The following SEPTIN11 variants were observed in gnomAD, a reference collection of about 807,000 sequenced individuals.
SEPTIN11 encodes the protein septin 11.
A neutral mutation model predicts 51.4 loss-of-function variants in SEPTIN11; 25 were observed. That is an observed-to-expected ratio of 0.49 (90% CI 0.35 to 0.68). The LOEUF (loss-of-function observed/expected upper bound fraction) is 0.68. Ranked by LOEUF, SEPTIN11 falls within the 30% of genes least tolerant of loss-of-function variation. The probability of loss-of-function intolerance (pLI) is 0.00; values close to 1 mark genes in which losing one functional copy is unlikely to be tolerated. For synonymous variants in SEPTIN11, 174 were observed against 184.1 expected (o/e 0.95, Z 0.44); for missense variants, 381 against 520.8 (o/e 0.73, Z 2.61).
chr4:77,016,672 A>G (rs1311281151), intron 5 of SEPTIN11, among the ~76,000 whole-genome samples: 2 of 139,394 alleles, frequency 1.4e-5, no homozygotes, highest in East Asian at 2.0e-4. Flanking sequence ...ATATATATAT[A>G]TATGGCCAGG....
chr4:76,958,755 TGGCAATTA>T, intron 1 of SEPTIN11: 1 of 629,836 alleles, frequency 1.6e-6, no homozygotes, highest in South Asian at 2.1e-5. Context: ...GTCACCCAGA[TGGCAATTA>T]GGTTTATAAT....
intron 1 of SEPTIN11, among the ~76,000 whole-genome samples, chr4:76,978,308 T>G (rs1307611216): frequency 6.6e-6 from 1 of 152,152 alleles, no homozygotes; most frequent in African/African-American, 2.4e-5. Flanking sequence ...CCTTGTGTGC[T>G]CTTACTTGGT....
chr4:76,978,985 G>A (rs1305242345), intron 1 of SEPTIN11, among the ~76,000 whole-genome samples: 1 of 152,144 alleles, frequency 6.6e-6, no homozygotes, highest in Non-Finnish European at 1.5e-5. Flanking sequence ...TCCCTCCCAT[G>A]AATTCTCTAT....
intron 1 of SEPTIN11, among the ~76,000 whole-genome samples, chr4:76,961,393 G>A (rs1721819667): frequency 1.3e-5 from 2 of 152,136 alleles, no homozygotes; most frequent in South Asian, 4.1e-4. Flanking sequence ...ATTAATTTGT[G>A]CCCTATTTCC....
chr4:76,950,016 CG>C (rs141277628), intron 1 of SEPTIN11, 86 bp downstream of exon 1: 49,600 of 1,280,646 alleles, frequency 0.039, 3,830 homozygotes, highest in African/African-American at 0.31. Flanking sequence ...ACAGGGGAGC[CG>C]GGCGGGTGCT....
At chr4:77,018,210 G>A (rs1054602267) in intron 5 of SEPTIN11, among the ~76,000 whole-genome samples, 2 of 151,918 alleles carry the variant, frequency 1.3e-5, no homozygotes, top group African/African-American at 4.8e-5. Flanking sequence ...CAGCACTTTC[G>A]GAGGCCAAGG....
intron 3 of SEPTIN11, among the ~76,000 whole-genome samples, chr4:77,010,467 T>G (rs188455211): frequency 0.015 from 2,255 of 152,184 alleles, 45 homozygotes; most frequent in Admixed American, 0.052. Context: ...CCTTTTTTTT[T>G]TTTTTAAAGC....
intron 1 of SEPTIN11, among the ~76,000 whole-genome samples, chr4:76,992,393 C>T (rs1011374708): frequency 1.3e-5 from 2 of 152,092 alleles, no homozygotes; most frequent in Non-Finnish European, 2.9e-5. Context: ...ATATTCAGTT[C>T]ATGAGATAAA....
At chr4:76,985,561 G>A (rs1207675939) in intron 1 of SEPTIN11, among the ~76,000 whole-genome samples, 1 of 152,224 alleles carries the variant, frequency 6.6e-6, no homozygotes, top group Non-Finnish European at 1.5e-5. Flanking sequence ...TGTAGAGACA[G>A]AAAGGGGGCT....
intron 2 of SEPTIN11, among the ~76,000 whole-genome samples, chr4:77,003,043 C>T (rs991969987): frequency 1.2e-4 from 18 of 152,196 alleles, no homozygotes; most frequent in Non-Finnish European, 2.4e-4. Flanking sequence ...TGCAGCATGG[C>T]TTCTGTTTAC....
chr4:77,001,719 T>G (rs1453824130), intron 2 of SEPTIN11, among the ~76,000 whole-genome samples: 2 of 152,236 alleles, frequency 1.3e-5, no homozygotes, highest in Non-Finnish European at 2.9e-5. Context: ...AATACTTTAG[T>G]CATTGACTTT....
At chr4:77,039,534 T>C (rs1484019200), downstream of SEPTIN11, 1 of 985,242 alleles carries the variant, frequency 1.0e-6, no homozygotes, top group Non-Finnish European at 1.2e-6. Context: ...TTCTGTCCCA[T>C]GAGCCACATT....
chr4:76,950,478 A>T (rs1437889639), intron 1 of SEPTIN11, among the ~76,000 whole-genome samples: 1 of 152,214 alleles, frequency 6.6e-6, no homozygotes, highest in Non-Finnish European at 1.5e-5. Flanking sequence ...CCTGCCCAGG[A>T]TGTGGACAAA....
intron 1 of SEPTIN11, among the ~76,000 whole-genome samples, chr4:76,964,421 C>T (rs905031098): frequency 2.0e-5 from 3 of 151,892 alleles, no homozygotes; most frequent in Non-Finnish European, 4.4e-5. Flanking sequence ...CTCACCTCTC[C>T]CCAAATTATT....
chr4:76,961,727 G>A (rs1455314774), intron 1 of SEPTIN11, among the ~76,000 whole-genome samples: 3 of 152,162 alleles, frequency 2.0e-5, no homozygotes, highest in African/African-American at 7.2e-5. Flanking sequence ...GGTTGTATAG[G>A]CATTTGAAGT....
At position 77,038,309 on chromosome 4, in the gene SEPTIN11, A is replaced by T; in HGVS notation, c.*3797A>T. ...GATATGCCTTAAACTGTAGTTGTAG[A>T]TCCTTGTCATTTTGCTGTTTGAAAA... On this transcript the variant is annotated 3_prime_UTR_variant, in exon 10 of 10. Transcript: ENST00000264893. 1.0e-6 allele frequency: 1 copy of T among 985,666 alleles called. No homozygotes were observed. Among genetic ancestry groups the T allele is most frequent in the Non-Finnish European group, 1.2e-6 (1 of 829,740 alleles). 61.1% of individuals were successfully genotyped at this position (985,666 alleles called of 1,614,324 possible). A position where few individuals can be genotyped will look rare whatever the true frequency, so the allele number is the denominator to read the frequency against.
intron 2 of SEPTIN11, among the ~76,000 whole-genome samples, chr4:77,004,928 A>T (rs1247861743): frequency 6.6e-6 from 1 of 152,114 alleles, no homozygotes; most frequent in African/African-American, 2.4e-5. Flanking sequence ...GCGCCACTGT[A>T]CTCCAGCCTG....
chr4:76,963,509 A>G (rs1031345087), intron 1 of SEPTIN11, among the ~76,000 whole-genome samples: 11 of 152,234 alleles, frequency 7.2e-5, no homozygotes, highest in Non-Finnish European at 1.6e-4. Flanking sequence ...CCATGTAGAG[A>G]TACCACCCTA....
chr4:76,983,212 C>T (rs1166714531), intron 1 of SEPTIN11, among the ~76,000 whole-genome samples: 1 of 152,054 alleles, frequency 6.6e-6, no homozygotes, highest in Non-Finnish European at 1.5e-5. Flanking sequence ...TTAAGCAGTC[C>T]CTTAAAAGGG....
Sources: allele counts gnomAD v4.1 joint callset (sites outside exome capture counted in the v4.1 genomes callset), GRCh38; gene constraint gnomAD v4.1.1; transcripts MANE v1.5; gene names NCBI Gene and HGNC (gene_info 2026-07-23, HGNC 2026-07-21).